ABI3BP: variants seen among roughly 807,000 people sequenced by gnomAD.
ABI3BP encodes the protein target of Nesh-SH3.
In ABI3BP, 216 loss-of-function variants were observed where a neutral mutation model predicts 268.6. The observed-to-expected ratio is 0.80, with a 90% CI of 0.72 to 0.90. The LOEUF is 0.90. ABI3BP is among the 40% of genes least tolerant of loss of function. ABI3BP has a pLI of 0.00. For missense variants in ABI3BP, 2,090 were observed against 2,182.4 expected, an observed-to-expected ratio of 0.96 and a Z score of 0.84; for synonymous variants, 730 against 730.0, an observed-to-expected ratio of 1.00 and a Z score of 0.00.
intron 6 of ABI3BP, among the ~76,000 whole-genome samples, chr3:100,882,690 AG>A (rs898165160): frequency 5.3e-5 from 8 of 152,050 alleles, no homozygotes; most frequent in African/African-American, 1.9e-4. Flanking sequence ...GCTTATATTG[AG>A]GGGGAAAAAA....
chr3:100,848,030 G>T (rs2098793453), intron 18 of ABI3BP, among the ~76,000 whole-genome samples: 1 of 152,092 alleles, frequency 6.6e-6, no homozygotes, highest in South Asian at 2.1e-4. Flanking sequence ...CATGTATTTT[G>T]GGGTCTGTAT....
chr3:100,835,463 A>G (rs528373372), intron 28 of ABI3BP, 138 bp downstream of exon 28: 76 of 680,440 alleles, frequency 1.1e-4, no homozygotes, highest in Admixed American at 2.6e-4. Context: ...AATACATTCA[A>G]AATGAAGAAT....
chr3:100,823,936 G>A (rs961802697), intron 36 of ABI3BP, among the ~76,000 whole-genome samples: 2 of 152,110 alleles, frequency 1.3e-5, no homozygotes, highest in Non-Finnish European at 2.9e-5. Context: ...TCATATGTTT[G>A]ATACCGACAT....
chr3:100,864,296 T>C, intron 11 of ABI3BP: 1 of 542,642 alleles, frequency 1.8e-6, no homozygotes, highest in Non-Finnish European at 3.3e-6. Flanking sequence ...CAACATCAAA[T>C]TACAGAACAA....
intron 1 of ABI3BP, among the ~76,000 whole-genome samples, chr3:100,976,931 A>T (rs2595902): frequency 1 from 152,347 of 152,380 alleles, 76,157 homozygotes; most frequent in Non-Finnish European, 1. Flanking sequence ...GACAAGGCCA[A>T]CTATGAAGGC....
intron 49 of ABI3BP, among the ~76,000 whole-genome samples, chr3:100,810,103 A>G (rs185612733): frequency 6.6e-6 from 1 of 152,212 alleles, no homozygotes; most frequent in Admixed American, 6.6e-5. Flanking sequence ...AGTTGAGATG[A>G]ATTAGAATTA....
chr3:100,937,740 TAA>T (rs1262876574), intron 1 of ABI3BP, among the ~76,000 whole-genome samples: 1 of 152,102 alleles, frequency 6.6e-6, no homozygotes, highest in Non-Finnish European at 1.5e-5. Context: ...CGGACAATGC[TAA>T]GTTTCCAACG....
At chr3:100,929,139 T>C (rs142327866) in intron 1 of ABI3BP, among the ~76,000 whole-genome samples, 7 of 152,166 alleles carry the variant, frequency 4.6e-5, no homozygotes, top group Non-Finnish European at 1.0e-4. Flanking sequence ...CAACACTTAG[T>C]TGGGAGGGAG....
chr3:100,838,218 G>A lies in ABI3BP; in HGVS notation c.2075C>T (p.Thr692Ile), dbSNP rs963355349. The A allele has an allele frequency of 5.9e-6, 9 of 1,535,918 alleles. No homozygotes were observed. Among genetic ancestry groups the A allele is most frequent in the Non-Finnish European group, 7.0e-6 (8 of 1,146,452 alleles). Residue 692 changes from threonine (T) to isoleucine (I), a missense_variant, in exon 26 of 68, where the codon ACT becomes ATT. Transcript: ENST00000471714. Reference sequence around the variant, plus strand: ...CTGGAAATTATGTTTACCGGATTTAGTTGGTGGCATGTCTGGTTCTGCTGT... The same window carrying A: ...CTGGAAATTATGTTTACCGGATTTAATTGGTGGCATGTCTGGTTCTGCTGT... Reference protein sequence around the residue: ...QTTAEPDMPPTKSVSEPVPFE... With the variant: ...QTTAEPDMPPIKSVSEPVPFE...
intron 63 of ABI3BP, among the ~76,000 whole-genome samples, chr3:100,759,740 T>C (rs147511087): frequency 4.3e-4 from 65 of 152,336 alleles, no homozygotes; most frequent in African/African-American, 1.4e-3. Flanking sequence ...TAGCTGTCCT[T>C]CTGCCCCATG....
rs1384574517 is a variant in ABI3BP at position 100,817,327 on chromosome 3, A to T, written c.3148+109T>A. 2.7e-5 allele frequency: 19 copies of T among 701,312 alleles called. No homozygotes were observed. In the East Asian group the frequency reaches 5.3e-4, roughly 20 times the overall value. The allele number at this position is 701,312 out of a possible 1,614,324, so 43.4% of individuals were successfully genotyped here. On this transcript the variant is annotated intron_variant, in intron 42 of 67. Transcript: ENST00000471714. ...CAATATAAAGTTGAAGGATAGCAGA[A>T]GATGACAAGATAGTCCTACAAAGCT...
chr3:100,752,706 T>C, intron 66 of ABI3BP, 81 bp downstream of exon 66: 1 of 1,497,934 alleles, frequency 6.7e-7, no homozygotes, highest in Non-Finnish European at 8.9e-7. Context: ...CTGAAACTCT[T>C]AAGAAAAGGC....
In ABI3BP at chr3:100,829,604, G is replaced by A. The variant is rs1283489533; in HGVS notation, c.2519C>T (p.Pro840Leu). ...PHPKPKTTLSPEELQTELVPA... is the reference protein window; with the variant it reads ...PHPKPKTTLSLEELQTELVPA... ...ACCCAGTTCAGTCTGAAGCTCTTCG[G>A]GACTCAGTGTGGTTTTAGGTTTGGG... Residue 840 changes from proline to leucine, a missense_variant, in exon 33 of 68, where the codon CCC becomes CTC. By Grantham distance (98) the Pro-to-Leu change is moderately conservative (BLOSUM62 -3). Coordinates refer to ENST00000471714, the MANE Select transcript of ABI3BP (RefSeq NM_001375547.2). 2 of 1,535,524 alleles carry A rather than the reference G, an allele frequency of 1.3e-6. No individual in the cohort carries two copies. The highest frequency in any genetic ancestry group is 1.7e-6 in the Non-Finnish European group (2 of 1,146,456).
At chr3:100,853,984 T>C (rs1383238244) in intron 14 of ABI3BP, among the ~76,000 whole-genome samples, 3 of 152,220 alleles carry the variant, frequency 2.0e-5, no homozygotes, top group African/African-American at 7.2e-5. Flanking sequence ...AAGTTTTATG[T>C]TGTTTGGTCA....
intron 63 of ABI3BP, among the ~76,000 whole-genome samples, chr3:100,760,274 A>G (rs975978557): frequency 2.0e-5 from 3 of 152,240 alleles, no homozygotes; most frequent in African/African-American, 2.4e-5. Flanking sequence ...TAAGTCTGGC[A>G]CACACAATGA....
intron 51 of ABI3BP, among the ~76,000 whole-genome samples, chr3:100,798,466 C>T (rs995681196): frequency 6.6e-6 from 1 of 151,938 alleles, no homozygotes; most frequent in Non-Finnish European, 1.5e-5. Context: ...GTCCCTAAAA[C>T]GTACATCTTT....
chr3:100,811,859 A>T lies in ABI3BP; in HGVS notation c.3422-60T>A. ...GCCAACCCAAAGCACACTGTAATAG[A>T]ACCCTGCATTTAATTTAAAAATAGA... On this transcript the variant is annotated intron_variant, in intron 46 of 67. Coordinates refer to ENST00000471714, the MANE Select transcript of ABI3BP (RefSeq NM_001375547.2). 3 of 1,159,064 alleles carry T rather than the reference A, an allele frequency of 2.6e-6. No individual in the cohort carries two copies. In the East Asian group the frequency reaches 7.7e-5, roughly 30 times the overall value. The allele number at this position is 1,159,064 out of a possible 1,614,324, so 71.8% of individuals were successfully genotyped here.
rs145694849 is a variant in ABI3BP, at chr3:100,794,480, G to C, written c.3946+443C>G. Among the ~76,000 whole-genome samples, 489 of 151,980 alleles carry C rather than the reference G, an allele frequency of 3.2e-3. 5 individuals are homozygous for C. Among genetic ancestry groups the C allele is most frequent in the African/African-American group, 0.01 (426 of 41,494 alleles). On this transcript the variant is annotated intron_variant, in intron 54 of 67. Coordinates refer to ENST00000471714, the MANE Select transcript of ABI3BP (RefSeq NM_001375547.2). Reference sequence around the variant, plus strand: ...TTCATATTAGAGGGTGAGCCCTCTAGTGTAAGGACTCCTCTTTAAAAGTTT... The same window carrying C: ...TTCATATTAGAGGGTGAGCCCTCTACTGTAAGGACTCCTCTTTAAAAGTTT...
intron 1 of ABI3BP, among the ~76,000 whole-genome samples, chr3:100,939,671 A>ACAGGAC (rs548578910): frequency 3.8e-4 from 58 of 152,264 alleles, no homozygotes; most frequent in African/African-American, 1.3e-3. Flanking sequence ...TCACAGAACC[A>ACAGGAC]CAGGACCGGG....
Sources: allele counts gnomAD v4.1 joint callset (sites outside exome capture counted in the v4.1 genomes callset), GRCh38; gene constraint gnomAD v4.1.1; transcripts MANE v1.5; gene names NCBI Gene and HGNC (gene_info 2026-07-23, HGNC 2026-07-21).